The following RREB1 variants were observed in gnomAD, a reference collection of about 807,000 sequenced individuals.
RREB1 encodes ras-responsive element-binding protein 1.
Under a neutral mutation model 117.8 loss-of-function variants are expected in RREB1, and 27 were observed. The ratio of observed to expected loss-of-function variants is 0.23; its 90% CI spans 0.17 to 0.32. The LOEUF is 0.32. Among genes scored for constraint, RREB1 ranks in the 10% least tolerant of loss-of-function variants. RREB1 has a pLI of 1.00. For missense variants in RREB1, 2,577 were observed against 2,378.2 expected, an observed-to-expected ratio of 1.08 and a Z score of -1.74; for synonymous variants, 1,298 against 1,026.7, an observed-to-expected ratio of 1.26 and a Z score of -5.05.
chr6:7,226,371 C>A, intron 8 of RREB1, 96 bp from the exon 9 acceptor site: 1 of 872,202 alleles, frequency 1.1e-6, no homozygotes, highest in Non-Finnish European at 1.7e-6. Context: ...AATGAATCAA[C>A]AAAAACTTAA....
intron 1 of RREB1, among the ~76,000 whole-genome samples, chr6:7,141,508 C>T (rs921483718): frequency 6.6e-6 from 1 of 152,238 alleles, no homozygotes; most frequent in Non-Finnish European, 1.5e-5. Flanking sequence ...GGCATTTAGC[C>T]TGTGACCACT....
chr6:7,181,184 C>T lies in RREB1; in HGVS notation c.-105C>T, dbSNP rs1764775491. 7.5e-6 allele frequency: 3 copies of T among 398,488 alleles called. No individual in the cohort carries two copies. Among genetic ancestry groups the T allele is most frequent in the Non-Finnish European group, 8.8e-6 (2 of 226,136 alleles). The allele number at this position is 398,488 out of a possible 1,614,324, so 24.7% of individuals were successfully genotyped here. Reference sequence around the variant, plus strand: ...GTCAACACAGACTCATTTTCTACTCCGTGTGAATGATAGCTACAGCAGGGG... The same window carrying T: ...GTCAACACAGACTCATTTTCTACTCTGTGTGAATGATAGCTACAGCAGGGG... On this transcript the variant is annotated 5_prime_UTR_variant, in exon 3 of 13. Transcript: ENST00000379938.
At chr6:7,240,671 A>G (rs921015969) in intron 11 of RREB1, 69 bp downstream of exon 11, 42 of 1,455,080 alleles carry the variant, frequency 2.9e-5, no homozygotes, top group Non-Finnish European at 3.9e-5. Context: ...AATTGTAGCA[A>G]ACTCCAGTCC....
In RREB1 at chr6:7,230,571, C is replaced by T. The variant is rs779600916; in HGVS notation, c.2472C>T (p.Tyr824=). 4.4e-6 allele frequency: 7 copies of T among 1,601,822 alleles called. No homozygotes were observed. Among genetic ancestry groups the T allele is most frequent in the African/African-American group, 1.3e-5 (1 of 74,910 alleles). The change falls in exon 10 of 13, where the codon TAC becomes TAT. Residue 824 remains tyrosine, a synonymous_variant. Coordinates refer to ENST00000379938, the MANE Select transcript of RREB1 (RefSeq NM_001003699.4). ...TGCCCGAGCAGGACATCGAGAGCTA[C>T]GTGCTGGCCGCCGACGGCCTGGGCC... The part of the protein sequence containing the change: ...LHVPEQDIES[Y]VLAADGLGPA...
At position 7,248,838 on chromosome 6, in the gene RREB1, G is replaced by A. The variant is rs1463261262; in HGVS notation, c.5099G>A (p.Gly1700Asp). The A allele has an allele frequency of 1.2e-6, 2 of 1,611,582 alleles. No individual in the cohort carries two copies. The highest frequency in any genetic ancestry group is 2.2e-5 in the East Asian group (1 of 44,820). Residue 1700 changes from glycine (G) to aspartate (D), a missense_variant, in exon 13 of 13, where the codon GGC becomes GAC. Physicochemically the swap from Gly to Asp is moderately conservative, Grantham distance 94. Coordinates refer to ENST00000379938, the MANE Select transcript of RREB1 (RefSeq NM_001003699.4). ...ACGGCAGGGTGGCCGTCTGAGCCTG[G>A]CCAGGGTGACCTTAACCCAGAGAGC... ...KVTAGWPSEP[G>D]QGDLNPESPA...
At chr6:7,217,328 T>C (rs1208274552) in intron 8 of RREB1, 4 of 152,088 alleles carry the variant, frequency 2.6e-5, no homozygotes, top group East Asian at 1.9e-4. Flanking sequence ...AACACAATAA[T>C]GAGGAAGGAA....
chr6:7,150,950 G>T (rs1051217795), intron 1 of RREB1, among the ~76,000 whole-genome samples: 23 of 152,240 alleles, frequency 1.5e-4, no homozygotes, highest in African/African-American at 5.5e-4. Flanking sequence ...GCATCCAGGC[G>T]TGGATTTGAA....
chr6:7,211,389 T>TGGATGGATGGTA (rs1311328460), intron 7 of RREB1, among the ~76,000 whole-genome samples, 184 bp from the exon 8 acceptor site: 3 of 151,038 alleles, frequency 2.0e-5, no homozygotes, highest in Non-Finnish European at 1.5e-5. Context: ...GATGGATGGA[T>TGGATGGATGGTA]GGTAGCGTTC....
At chr6:7,246,392 T>A in intron 11 of RREB1, 32 bp from the exon 12 acceptor site, 1 of 1,448,432 alleles carries the variant, frequency 6.9e-7, no homozygotes, top group South Asian at 1.4e-5. Context: ...GTGGTGCCCC[T>A]CTGAGCCCTC....
intron 1 of RREB1, among the ~76,000 whole-genome samples, chr6:7,163,765 T>C (rs1467011158): frequency 1.3e-5 from 2 of 152,236 alleles, no homozygotes; most frequent in African/African-American, 4.8e-5. Context: ...TGCCTGGGTA[T>C]AGTGGACTGC....
rs1058485 is a variant in RREB1, at chr6:7,251,553, A to G, written c.*2585A>G. 3 of 144,670 alleles carry G rather than the reference A, an allele frequency of 2.1e-5. No individual in the cohort carries two copies. The highest frequency in any genetic ancestry group is 7.9e-5 in the African/African-American group (3 of 38,070). The allele number at this position is 144,670 out of a possible 1,614,324, so 9.0% of individuals were successfully genotyped here. On this transcript the variant is annotated 3_prime_UTR_variant, in exon 13 of 13. Transcript: ENST00000379938. ...CATGATGCTGAGATTCAATCACTAC[A>G]TGAAACACCTGGCTGTGAAAACAAA...
At chr6:7,109,230 G>A (rs934677409) in intron 1 of RREB1, among the ~76,000 whole-genome samples, 1 of 151,880 alleles carries the variant, frequency 6.6e-6, no homozygotes, top group Admixed American at 6.5e-5. Context: ...CTAGCTGGGT[G>A]GGGGGAGGGG....
At chr6:7,182,353 T>G (rs1764853947) in intron 4 of RREB1, among the ~76,000 whole-genome samples, 1 of 152,224 alleles carries the variant, frequency 6.6e-6, no homozygotes, top group Non-Finnish European at 1.5e-5. Flanking sequence ...CTTTCTTCAC[T>G]TGATGGCCAT....
intron 1 of RREB1, among the ~76,000 whole-genome samples, chr6:7,134,037 G>C (rs1762255093): frequency 1.3e-5 from 2 of 152,112 alleles, no homozygotes; most frequent in Admixed American, 6.5e-5. Context: ...TAATTTTGGG[G>C]GGCAGGGTCA....
At chr6:7,177,326 C>T (rs186761937) in intron 2 of RREB1, among the ~76,000 whole-genome samples, 4 of 148,510 alleles carry the variant, frequency 2.7e-5, no homozygotes, top group Admixed American at 2.7e-4. Context: ...GCCAAGGGTT[C>T]GTCTCAGGAA....
chr6:7,236,887 GTTT>G (rs869133214), intron 10 of RREB1, among the ~76,000 whole-genome samples: 19 of 63,420 alleles, frequency 3.0e-4, no homozygotes, highest in African/African-American at 1.2e-3. Context: ...GTTTTTGGAG[GTTT>G]TTTTTTTTTT....
At chr6:7,223,665 C>T (rs1358944174) in intron 8 of RREB1, among the ~76,000 whole-genome samples, 2 of 151,672 alleles carry the variant, frequency 1.3e-5, no homozygotes, top group African/African-American at 4.9e-5. Flanking sequence ...TGGTAATGTG[C>T]CTGGCACATT....
intron 8 of RREB1, among the ~76,000 whole-genome samples, chr6:7,220,833 G>A (rs1217611319): frequency 6.6e-6 from 1 of 152,226 alleles, no homozygotes; most frequent in Non-Finnish European, 1.5e-5. Context: ...ACGGGTTGAG[G>A]AGAGAGTCGT....
intron 6 of RREB1, among the ~76,000 whole-genome samples, chr6:7,196,586 T>G (rs959843613): frequency 6.6e-6 from 1 of 152,228 alleles, no homozygotes; most frequent in African/African-American, 2.4e-5. Flanking sequence ...TATACTTTTT[T>G]CTAGTAAATA....
Sources: allele counts gnomAD v4.1 joint callset (sites outside exome capture counted in the v4.1 genomes callset), GRCh38; gene constraint gnomAD v4.1.1; transcripts MANE v1.5; gene names NCBI Gene and HGNC (gene_info 2026-07-23, HGNC 2026-07-21).